Variants in JAKMIP3 observed in about 807,000 individuals in gnomAD.
JAKMIP3 encodes the protein janus kinase and microtubule-interacting protein 3.
A neutral mutation model predicts 118.5 loss-of-function variants in JAKMIP3; 58 were observed. The ratio of observed to expected loss-of-function variants is 0.49; its 90% CI spans 0.40 to 0.61. The LOEUF (loss-of-function observed/expected upper bound fraction) is 0.61, where lower values mean the gene tolerates loss of function less well. Ranked by LOEUF, JAKMIP3 falls within the 20% of genes least tolerant of loss-of-function variation. The pLI is 0.00. For synonymous variants in JAKMIP3, 486 were observed against 451.2 expected (o/e 1.08, Z -0.98); for missense variants, 950 against 1,109.0 (o/e 0.86, Z 2.04).
intron 1 of JAKMIP3, among the ~76,000 whole-genome samples, chr10:132,074,812 C>G (rs1315570634): frequency 6.6e-6 from 1 of 152,148 alleles, no homozygotes; most frequent in Non-Finnish European, 1.5e-5. Flanking sequence ...AGTTTTCAGT[C>G]TTACTTTTAG....
rs796312224 is a variant in JAKMIP3, at chr10:132,141,386, C to T, written c.1474-534C>T. ...GACCCTTTGAAGGCAGCAGCAGGCT[C>T]ACCTGTCTTCTCCCTGGGGTGACGG... On this transcript the variant is annotated intron_variant, in intron 10 of 23. Coordinates refer to ENST00000684848, the MANE Select transcript of JAKMIP3 (RefSeq NM_001323087.2). Among the ~76,000 whole-genome samples, 12 of 152,304 alleles carry T rather than the reference C, an allele frequency of 7.9e-5. 1 individual carries two copies. Among genetic ancestry groups the T allele is most frequent in the African/African-American group, 2.9e-4 (12 of 41,562 alleles).
rs561064833 is a variant in JAKMIP3 at position 132,163,001 on chromosome 10, C to T, written c.2221-208C>T. On this transcript the variant is annotated intron_variant, in intron 19 of 23. Coordinates refer to ENST00000684848, the MANE Select transcript of JAKMIP3 (RefSeq NM_001323087.2). ...TCCTGGCTCTTGCTGGCCTGGTCAG[C>T]GTCTCTGCTTCTAGGGTCTTCTCAC... is the stretch of plus-strand genomic sequence containing the variant. 2.3e-3 allele frequency among the ~76,000 whole-genome samples: 354 copies of T among 152,322 alleles called. 1 individual carries two copies. Among genetic ancestry groups the T allele is most frequent in the African/African-American group, 8.2e-3 (342 of 41,570 alleles).
chr10:132,145,854 G>A (rs1397379633), intron 13 of JAKMIP3, among the ~76,000 whole-genome samples: 2 of 152,204 alleles, frequency 1.3e-5, no homozygotes, highest in East Asian at 1.9e-4. Flanking sequence ...TTCGTGTCCC[G>A]TTGTGCTGAT....
chr10:132,040,362 G>A (rs1352702061), intron 1 of JAKMIP3, among the ~76,000 whole-genome samples: 8 of 152,162 alleles, frequency 5.3e-5, no homozygotes, highest in Admixed American at 6.5e-5. Context: ...GTGGCATATT[G>A]TGATGGGGAT....
At chr10:132,127,718 T>C (rs1440329599) in intron 3 of JAKMIP3, among the ~76,000 whole-genome samples, 1 of 152,178 alleles carries the variant, frequency 6.6e-6, no homozygotes, top group Non-Finnish European at 1.5e-5. Context: ...ACTCCTTGCC[T>C]TGGATGGGGT....
intron 2 of JAKMIP3, among the ~76,000 whole-genome samples, chr10:132,113,957 G>T (rs1049789848): frequency 1.9e-4 from 29 of 152,206 alleles, no homozygotes; most frequent in African/African-American, 6.5e-4. Flanking sequence ...TGCCTGTGCC[G>T]TGCGACTTTG....
intron 23 of JAKMIP3, among the ~76,000 whole-genome samples, chr10:132,178,033 A>G (rs1486288043): frequency 6.6e-6 from 1 of 152,150 alleles, no homozygotes; most frequent in African/African-American, 2.4e-5. Context: ...TTGTGTGTGA[A>G]CCTGCTCCTG....
chr10:132,136,393 A>G (rs2051777730), intron 6 of JAKMIP3, among the ~76,000 whole-genome samples: 1 of 152,174 alleles, frequency 6.6e-6, no homozygotes, highest in Admixed American at 6.5e-5. Context: ...GGGCGAGGGT[A>G]GTAAGAGGCT....
At chr10:132,056,312 G>A (rs1291597030) in intron 1 of JAKMIP3, among the ~76,000 whole-genome samples, 1 of 152,166 alleles carries the variant, frequency 6.6e-6, no homozygotes, top group African/African-American at 2.4e-5. Context: ...CGTCTCTGCT[G>A]CTCACTGTTG....
intron 2 of JAKMIP3, among the ~76,000 whole-genome samples, chr10:132,116,868 G>A (rs2493510): frequency 7.6e-6 from 1 of 132,186 alleles, no homozygotes; most frequent in Non-Finnish European, 1.6e-5. Flanking sequence ...CGCTCCCCCC[G>A]AATACACATT....
Position 132,149,390 on chromosome 10 carries a change from C to A in JAKMIP3, c.1849-22C>A, listed in dbSNP as rs11813996. On this transcript the variant is annotated intron_variant, in intron 14 of 23. Coordinates refer to ENST00000684848, the MANE Select transcript of JAKMIP3 (RefSeq NM_001323087.2). ...GAAGGGATGGGAGGGGAGCGGCTCA[C>A]CCTTCTGTCCCTCTGTCCTAGGAGA... is the stretch of plus-strand genomic sequence containing the variant. 441 of 1,528,422 alleles carry A rather than the reference C, an allele frequency of 2.9e-4. 2 individuals are homozygous for A. The African/African-American group carries it at 5.4e-3, about 19-fold the overall frequency. 94.7% of individuals were successfully genotyped at this position (1,528,422 alleles called of 1,614,324 possible). A position where few individuals can be genotyped will look rare whatever the true frequency, so the allele number is the denominator to read the frequency against.
At chr10:132,181,036 T>G (rs1035374421) in intron 23 of JAKMIP3, among the ~76,000 whole-genome samples, 1 of 152,098 alleles carries the variant, frequency 6.6e-6, no homozygotes, top group Admixed American at 6.5e-5. Flanking sequence ...TGTTTGCACA[T>G]GTGCAGGTAT....
rs2038045870 is a variant in JAKMIP3 at position 132,049,754 on chromosome 10, G to A, written c.-138+13016G>A. On this transcript the variant is annotated intron_variant, in intron 1 of 23. Coordinates refer to the JAKMIP3 transcript ENST00000657785. This position sits in a 1 kb window ranked among gnomAD's most constrained non-coding sequence, Gnocchi z 4.3. ...CCACCTTGGCCTCCCAAAGTGCTGGGATTACAGGAGTGAGCCACCCTTCCC... is the reference window on the plus strand; with the variant it reads ...CCACCTTGGCCTCCCAAAGTGCTGGAATTACAGGAGTGAGCCACCCTTCCC... 6.6e-6 allele frequency among the ~76,000 whole-genome samples: 1 copy of A among 152,110 alleles called. No individual in the cohort carries two copies. The highest frequency in any genetic ancestry group is 6.5e-5 in the Admixed American group (1 of 15,272).
chr10:132,163,488 C>T (rs567007129), intron 20 of JAKMIP3, 76 bp downstream of exon 20: 965 of 1,326,146 alleles, frequency 7.3e-4, no homozygotes, highest in Non-Finnish European at 9.4e-4. Flanking sequence ...GGTCCTCCCA[C>T]GGCCACACCT....
At chr10:132,149,101 T>A (rs2055291524) in intron 14 of JAKMIP3, among the ~76,000 whole-genome samples, 1 of 151,994 alleles carries the variant, frequency 6.6e-6, no homozygotes, top group African/African-American at 2.4e-5. Context: ...ATCCTCCCCA[T>A]AGCCCCTGGG....
chr10:132,082,320 C>G (rs528487512), intron 1 of JAKMIP3, among the ~76,000 whole-genome samples: 21 of 151,966 alleles, frequency 1.4e-4, no homozygotes, highest in Admixed American at 1.2e-3. Context: ...GATTTTGGTG[C>G]ACCCGTCACT....
intron 1 of JAKMIP3, among the ~76,000 whole-genome samples, chr10:132,037,866 C>T (rs2037565081): frequency 2.0e-5 from 3 of 152,182 alleles, no homozygotes; most frequent in Non-Finnish European, 4.4e-5. Context: ...GGGGCCTGGC[C>T]CAGGGCTGCT....
At chr10:132,048,885 C>CT (rs1303742334) in intron 1 of JAKMIP3, among the ~76,000 whole-genome samples, 1 of 152,150 alleles carries the variant, frequency 6.6e-6, no homozygotes, top group East Asian at 1.9e-4. Flanking sequence ...CGTGATCCGC[C>CT]TGCCTTCGCC....
intron 2 of JAKMIP3, among the ~76,000 whole-genome samples, chr10:132,109,805 C>T (rs543119747): frequency 3.4e-4 from 52 of 152,272 alleles, no homozygotes; most frequent in Admixed American, 2.8e-3. Flanking sequence ...CTTGCAGCTC[C>T]GCAGCTCACA....
Sources: allele counts gnomAD v4.1 joint callset (sites outside exome capture counted in the v4.1 genomes callset), GRCh38; gene constraint gnomAD v4.1.1; non-coding constraint Gnocchi (gnomAD v3.1); transcripts MANE v1.5; gene names NCBI Gene and HGNC (gene_info 2026-07-23, HGNC 2026-07-21).